GPC5: variants seen among roughly 807,000 people sequenced by gnomAD.
GPC5 encodes glypican-5.
Under a neutral mutation model 53.9 loss-of-function variants are expected in GPC5, and 47 were observed. The ratio of observed to expected loss-of-function variants is 0.87; its 90% CI spans 0.69 to 1.11. The LOEUF is 1.11. Among genes scored for constraint, GPC5 ranks in the 50% most tolerant of loss-of-function variants. GPC5 has a pLI of 0.00. For missense variants in GPC5, 748 were observed against 713.1 expected (o/e 1.05, Z -0.56); for synonymous variants, 286 against 263.3 (o/e 1.09, Z -0.84).
chr13:92,759,232 T>C (rs1043118515), intron 7 of GPC5, among the ~76,000 whole-genome samples: 1 of 151,808 alleles, frequency 6.6e-6, no homozygotes, highest in Admixed American at 6.6e-5. Context: ...TTCAGGGTCT[T>C]TATGGTTTCA....
chr13:91,831,528 G>A (rs1055563980), intron 5 of GPC5, among the ~76,000 whole-genome samples: 1 of 151,952 alleles, frequency 6.6e-6, no homozygotes, highest in African/African-American at 2.4e-5. Context: ...AGTGTCTACA[G>A]TCTGTATAAT....
At chr13:91,588,228 A>G (rs929171726) in intron 2 of GPC5, among the ~76,000 whole-genome samples, 4 of 152,170 alleles carry the variant, frequency 2.6e-5, no homozygotes, top group Admixed American at 6.5e-5. Context: ...ACATACAGCT[A>G]TGGTAAATAT....
At chr13:92,771,002 T>C (rs768574700) in intron 7 of GPC5, among the ~76,000 whole-genome samples, 13 of 152,094 alleles carry the variant, frequency 8.5e-5, no homozygotes, top group Admixed American at 2.0e-4. Context: ...ATGGGAGGTG[T>C]CCTTACCTCT....
At chr13:92,702,631 C>T (rs1887789396) in intron 7 of GPC5, among the ~76,000 whole-genome samples, 1 of 152,050 alleles carries the variant, frequency 6.6e-6, no homozygotes, top group African/African-American at 2.4e-5. Flanking sequence ...AGCCCAAGCC[C>T]CCATTTTCTC....
At chr13:92,546,721 G>A (rs1882129513) in intron 7 of GPC5, among the ~76,000 whole-genome samples, 1 of 152,106 alleles carries the variant, frequency 6.6e-6, no homozygotes, top group South Asian at 2.1e-4. Flanking sequence ...TCAATCCTAA[G>A]CCAAAAGAAC....
chr13:92,473,409 T>C (rs1249482500), intron 7 of GPC5, among the ~76,000 whole-genome samples: 4 of 152,136 alleles, frequency 2.6e-5, no homozygotes, highest in East Asian at 1.9e-4. Context: ...TAAGTACTTA[T>C]GGCATGGGCC....
At chr13:92,034,148 A>T (rs2040874903) in intron 6 of GPC5, among the ~76,000 whole-genome samples, 1 of 152,192 alleles carries the variant, frequency 6.6e-6, no homozygotes, top group African/African-American at 2.4e-5. Context: ...CATTCATAAA[A>T]AATCTATAAT....
chr13:92,764,540 G>T (rs1057375495), intron 7 of GPC5, among the ~76,000 whole-genome samples: 3 of 152,188 alleles, frequency 2.0e-5, no homozygotes, highest in Admixed American at 6.5e-5. Context: ...GTCCAAGGTG[G>T]TTATGGGGGC....
intron 7 of GPC5, among the ~76,000 whole-genome samples, chr13:92,817,369 G>A (rs1041243981): frequency 4.0e-5 from 6 of 151,728 alleles, no homozygotes; most frequent in African/African-American, 9.7e-5. Flanking sequence ...CAAATATTTC[G>A]GTTTGGGTAC....
chr13:91,948,133 T>C (rs1319301014), intron 6 of GPC5, among the ~76,000 whole-genome samples: 4 of 150,056 alleles, frequency 2.7e-5, no homozygotes, highest in Non-Finnish European at 4.4e-5. Flanking sequence ...GAGGCTGAGG[T>C]GGGAGAATGG....
chr13:92,432,505 G>A (rs1186700389), intron 7 of GPC5, among the ~76,000 whole-genome samples: 4 of 149,472 alleles, frequency 2.7e-5, no homozygotes, highest in Non-Finnish European at 3.0e-5. Flanking sequence ...AGTGATCTGC[G>A]TGATCATCAC....
chr13:91,956,549 A>G (rs1172201754), intron 6 of GPC5, among the ~76,000 whole-genome samples: 12 of 151,908 alleles, frequency 7.9e-5, no homozygotes, highest in Admixed American at 7.9e-4. Flanking sequence ...CTAAAACTGT[A>G]TACACCATCC....
chr13:92,240,355 A>G (rs1425025141), intron 7 of GPC5: 1 of 152,028 alleles, frequency 6.6e-6, no homozygotes, highest in Admixed American at 6.6e-5. Context: ...AATTGTCTAT[A>G]GTTTTATGTA....
At chr13:92,557,976 T>C (rs554055296) in intron 7 of GPC5, among the ~76,000 whole-genome samples, 1 of 152,018 alleles carries the variant, frequency 6.6e-6, no homozygotes, top group Admixed American at 6.6e-5. Context: ...ACATTCTATA[T>C]CCAGATAAAA....
intron 7 of GPC5, among the ~76,000 whole-genome samples, chr13:92,647,268 G>T (rs1259824415): frequency 6.6e-6 from 1 of 152,022 alleles, no homozygotes; most frequent in Non-Finnish European, 1.5e-5. Flanking sequence ...ACTTAAAAGT[G>T]TTCCTTATCT....
intron 7 of GPC5, among the ~76,000 whole-genome samples, chr13:92,656,492 G>C (rs1264251076): frequency 6.6e-6 from 1 of 152,110 alleles, no homozygotes; most frequent in South Asian, 2.1e-4. Context: ...TGAAGGGCAG[G>C]GCCCAGGTAC....
intron 3 of GPC5, among the ~76,000 whole-genome samples, chr13:91,696,794 C>T (rs1427457231): frequency 6.6e-6 from 1 of 152,004 alleles, no homozygotes; most frequent in African/African-American, 2.4e-5. Context: ...AGTTAATTTA[C>T]AAGATAATTT....
At position 91,571,943 on chromosome 13, in the gene GPC5, A is replaced by G. The variant is rs1363972591; in HGVS notation, c.326-121244A>G. 2.3e-3 allele frequency among the ~76,000 whole-genome samples: 266 copies of G among 118,198 alleles called. 17 individuals carry two copies. In the South Asian group the frequency reaches 0.024, roughly 11 times the overall value. 77.5% of individuals were successfully genotyped at this position (118,198 alleles called of 152,430 possible). Reference sequence around the variant, plus strand: ...ATATTGTATATATACACACATGTATATACATATACACACATATATGTATAT... The same window carrying G: ...ATATTGTATATATACACACATGTATGTACATATACACACATATATGTATAT... On this transcript the variant is annotated intron_variant, in intron 2 of 7. Transcript: ENST00000377067.
chr13:92,527,108 AAAAGAAAG>A (rs58356455), intron 7 of GPC5, among the ~76,000 whole-genome samples: 1,947 of 38,960 alleles, frequency 0.05, 89 homozygotes, highest in Middle Eastern at 0.1. Flanking sequence ...AAAGAAAGAA[AAAAGAAAG>A]AAAGAAAGAA....
Sources: gnomAD v4.1 joint callset for allele counts (sites outside exome capture counted in the v4.1 genomes callset) on GRCh38, gnomAD v4.1.1 for gene constraint, MANE v1.5 for transcripts, NCBI Gene and HGNC (gene_info 2026-07-23, HGNC 2026-07-21) for gene names.